SMG6: variants seen among roughly 807,000 people sequenced by gnomAD.
The protein encoded by SMG6 is SMG6 nonsense mediated mRNA decay factor, also known as telomerase-binding protein EST1A.
A neutral mutation model predicts 142.2 loss-of-function variants in SMG6; 66 were observed. The observed-to-expected ratio is 0.46, with a 90% confidence interval of 0.38 to 0.57. The LOEUF (loss-of-function observed/expected upper bound fraction) is 0.57, where lower values mean the gene tolerates loss of function less well. Among genes scored for constraint, SMG6 ranks in the 20% least tolerant of loss-of-function variants. The probability of loss-of-function intolerance (pLI) is 0.00; values close to 1 mark genes in which losing one functional copy is unlikely to be tolerated. For synonymous variants in SMG6, 779 were observed against 702.4 expected (o/e 1.11, Z -1.72); for missense variants, 1,793 against 1,832.0 (o/e 0.98, Z 0.39).
chr17:2,303,432 T>C, intron 1 of SMG6: 1 of 1,261,848 alleles, frequency 7.9e-7, no homozygotes, highest in Non-Finnish European at 1.0e-6. Flanking sequence ...CTCCCGGAGC[T>C]GGCCAGGACT....
chr17:2,160,903 A>G (rs979611254), intron 13 of SMG6, among the ~76,000 whole-genome samples: 22 of 152,178 alleles, frequency 1.4e-4, no homozygotes, highest in African/African-American at 5.1e-4. Context: ...ATATGATATT[A>G]TATTAGTAAA....
At chr17:2,190,093 T>C (rs574224789) in intron 10 of SMG6, among the ~76,000 whole-genome samples, 97 of 152,282 alleles carry the variant, frequency 6.4e-4, no homozygotes, top group African/African-American at 2.2e-3. Flanking sequence ...GGGGGAGATA[T>C]GTAAGTTGTC....
At chr17:2,114,266 T>TG (rs1567608443) in intron 13 of SMG6, among the ~76,000 whole-genome samples, 3 of 151,962 alleles carry the variant, frequency 2.0e-5, no homozygotes, top group Admixed American at 2.0e-4. Flanking sequence ...TGGGACTCCA[T>TG]CCCAAAACAA....
At chr17:2,282,537 T>C (rs2074811629) in intron 8 of SMG6, 110 bp downstream of exon 8, 1 of 1,071,934 alleles carries the variant, frequency 9.3e-7, no homozygotes, top group Non-Finnish European at 1.4e-6. Flanking sequence ...CTCAAGTGGT[T>C]TGTCTTCCTT....
intron 13 of SMG6, among the ~76,000 whole-genome samples, chr17:2,165,430 T>A (rs1204617292): frequency 6.6e-6 from 1 of 152,248 alleles, no homozygotes; most frequent in Non-Finnish European, 1.5e-5. Context: ...GGTTAATGAC[T>A]TGCTAATATA....
At chr17:2,116,985 A>T (rs2069527540) in intron 13 of SMG6, among the ~76,000 whole-genome samples, 1 of 152,200 alleles carries the variant, frequency 6.6e-6, no homozygotes, top group Non-Finnish European at 1.5e-5. Context: ...ATCATTACTC[A>T]TCAGGGAAAT....
chr17:2,270,724 G>A (rs1393191862), intron 8 of SMG6, among the ~76,000 whole-genome samples: 1 of 152,178 alleles, frequency 6.6e-6, no homozygotes, highest in Non-Finnish European at 1.5e-5. Context: ...TACAGCCTAG[G>A]CACTTTTCCA....
intron 13 of SMG6, among the ~76,000 whole-genome samples, chr17:2,129,123 G>A (rs902367366): frequency 5.9e-5 from 9 of 151,832 alleles, no homozygotes; most frequent in African/African-American, 1.2e-4. Context: ...CAAGGCAGGC[G>A]GATCGCTTGA....
intron 13 of SMG6, among the ~76,000 whole-genome samples, chr17:2,111,404 C>G (rs2069312990): frequency 6.6e-6 from 1 of 152,136 alleles, no homozygotes; most frequent in African/African-American, 2.4e-5. Context: ...GAGGTCCTTT[C>G]TTATCTCGCT....
At chr17:2,298,764 C>G in intron 2 of SMG6, 142 bp downstream of exon 2, 1 of 730,814 alleles carries the variant, frequency 1.4e-6, no homozygotes, top group Admixed American at 2.4e-5. Context: ...TGTTCTGTTT[C>G]CAACTGCCCT....
chr17:2,098,773 G>A (rs1483332840), intron 13 of SMG6, among the ~76,000 whole-genome samples: 1 of 152,018 alleles, frequency 6.6e-6, no homozygotes, highest in Non-Finnish European at 1.5e-5. Flanking sequence ...TGGGATTACA[G>A]GCACCCGCCA....
intron 8 of SMG6, among the ~76,000 whole-genome samples, chr17:2,261,029 G>A (rs992008971): frequency 9.2e-5 from 14 of 151,374 alleles, no homozygotes; most frequent in African/African-American, 1.7e-4. Flanking sequence ...AAAAAAAGTC[G>A]GGCGCGGTGG....
chr17:2,210,575 C>T (rs189203664), intron 10 of SMG6, among the ~76,000 whole-genome samples: 75 of 151,804 alleles, frequency 4.9e-4, no homozygotes, highest in African/African-American at 1.8e-3. Flanking sequence ...CAAGATTTTA[C>T]AATACACCAA....
chr17:2,085,784 C>T lies in SMG6; in HGVS notation c.3475G>A (p.Val1159Ile), dbSNP rs755339125. 28 of 1,614,064 alleles carry T rather than the reference C, an allele frequency of 1.7e-5. No individual in the cohort carries two copies. Among genetic ancestry groups the T allele is most frequent in the African/African-American group, 2.7e-5 (2 of 74,916 alleles). Residue 1159 changes from valine (V) to isoleucine (I), a missense_variant, in exon 14 of 19, where the codon GTC becomes ATC. This residue lies in a region of SMG6 where 1,597 missense variants were observed against 1,584.6 expected (regional missense o/e 1.01). Coordinates refer to ENST00000263073, the MANE Select transcript of SMG6 (RefSeq NM_017575.5). The surrounding 1 kb of genome is among the most constrained non-coding windows in gnomAD (Gnocchi z 4.1). ...KGGKYVSVAP[V>I]PDTMGKEMGS... Reference sequence around the variant, plus strand: ...ATTTCCTTTCCCATGGTGTCTGGGACGGGTGCCACTGACACATACTTTCCA... The same window carrying T: ...ATTTCCTTTCCCATGGTGTCTGGGATGGGTGCCACTGACACATACTTTCCA...
chr17:2,144,800 C>T (rs944554914), intron 13 of SMG6, among the ~76,000 whole-genome samples: 7 of 152,048 alleles, frequency 4.6e-5, no homozygotes, highest in African/African-American at 7.2e-5. Context: ...AGCTCATGGT[C>T]GTAAAATGCT....
At chr17:2,158,924 C>G (rs79949803) in intron 13 of SMG6, among the ~76,000 whole-genome samples, 3,505 of 142,652 alleles carry the variant, frequency 0.025, 65 homozygotes, top group South Asian at 0.066. Context: ...AAAGGCAAAC[C>G]AGTCACAGAC....
chr17:2,257,741 G>T (rs1458649612), intron 8 of SMG6, among the ~76,000 whole-genome samples: 2 of 151,894 alleles, frequency 1.3e-5, no homozygotes, highest in Non-Finnish European at 2.9e-5. Context: ...TTTCCTGGCT[G>T]GGCCTGGTGG....
chr17:2,279,662 G>A (rs1254445092), intron 8 of SMG6, among the ~76,000 whole-genome samples: 1 of 152,178 alleles, frequency 6.6e-6, no homozygotes, highest in Non-Finnish European at 1.5e-5. Flanking sequence ...ACGATTAGGA[G>A]GTGGACTCAA....
At chr17:2,105,584 C>G (rs775596552) in intron 13 of SMG6, among the ~76,000 whole-genome samples, 1 of 152,104 alleles carries the variant, frequency 6.6e-6, no homozygotes, top group Non-Finnish European at 1.5e-5. Flanking sequence ...CTTGCCCAGA[C>G]TCAGCAGTAG....
Sources: gnomAD v4.1 joint callset for allele counts (sites outside exome capture counted in the v4.1 genomes callset) on GRCh38, gnomAD v4.1.1 for gene constraint, gnomAD v4.1.1 regional missense constraint, Gnocchi (gnomAD v3.1) non-coding constraint, MANE v1.5 for transcripts, NCBI Gene and HGNC (gene_info 2026-07-23, HGNC 2026-07-21) for gene names.